FBXL20: variants seen among roughly 807,000 people sequenced by gnomAD.
FBXL20 encodes the protein F-box/LRR-repeat protein 20.
Under a neutral mutation model 64.0 loss-of-function variants are expected in FBXL20, and 11 were observed. The ratio of observed to expected loss-of-function variants is 0.17; its 90% CI spans 0.11 to 0.28. The LOEUF is 0.28. Among genes scored for constraint, FBXL20 ranks in the 10% least tolerant of loss-of-function variants. FBXL20 has a pLI of 1.00. For missense variants in FBXL20, 303 were observed against 526.2 expected (o/e 0.58, Z 4.15); for synonymous variants, 184 against 189.0 (o/e 0.97, Z 0.22).
chr17:39,298,971 T>C lies in FBXL20; in HGVS notation c.329+19A>G. The C allele has an allele frequency of 2.5e-6, 4 of 1,589,994 alleles. No homozygotes were observed. The highest frequency in any genetic ancestry group is 3.4e-6 in the Non-Finnish European group (4 of 1,159,596). On this transcript the variant is annotated intron_variant, in intron 5 of 14. Transcript: ENST00000264658. ...TCTTCACTTCCATCAAGAAGATTAA[T>C]CAATAGTTATGTTTTTACCTTAATG...
At chr17:39,359,832 T>C (rs2047777294) in intron 1 of FBXL20, among the ~76,000 whole-genome samples, 1 of 152,112 alleles carries the variant, frequency 6.6e-6, no homozygotes, top group African/African-American at 2.4e-5. Flanking sequence ...CTGAAATAAC[T>C]GAAAGCAGGT....
chr17:39,277,412 A>G (rs924278850), intron 9 of FBXL20, among the ~76,000 whole-genome samples: 3 of 152,196 alleles, frequency 2.0e-5, no homozygotes, highest in Admixed American at 6.6e-5. Flanking sequence ...TTTGTATGTT[A>G]TAAGAGAGTA....
upstream of FBXL20, chr17:39,401,706 G>A: frequency 9.0e-7 from 1 of 1,115,882 alleles, no homozygotes; most frequent in Non-Finnish European, 1.1e-6. Context: ...AGCCGCCCGG[G>A]CCTCGGAGCG....
In FBXL20 at chr17:39,297,208, G is replaced by C. The variant is rs2047093839; in HGVS notation, c.330-13C>G. 3.8e-6 allele frequency: 6 copies of C among 1,592,900 alleles called. No homozygotes were observed. The highest frequency in any genetic ancestry group is 1.7e-4 in the Middle Eastern group (1 of 6,010). ...TTGTGCAAAGGTTCTTTGTAGGAAAGAAAGTAAGAGGTTTCAAATGAAATA... is the reference window on the plus strand; with the variant it reads ...TTGTGCAAAGGTTCTTTGTAGGAAACAAAGTAAGAGGTTTCAAATGAAATA... On this transcript the variant is annotated splice_polypyrimidine_tract_variant and intron_variant, in intron 5 of 14. Transcript: ENST00000264658.
At chr17:39,334,404 T>C (rs1046298744) in intron 2 of FBXL20, among the ~76,000 whole-genome samples, 4 of 151,670 alleles carry the variant, frequency 2.6e-5, no homozygotes, top group Non-Finnish European at 5.9e-5. Flanking sequence ...TGACCTTCCC[T>C]CCACTATTGT....
At chr17:39,287,543 A>G (rs987587841) in intron 6 of FBXL20, among the ~76,000 whole-genome samples, 5 of 152,140 alleles carry the variant, frequency 3.3e-5, no homozygotes, top group Non-Finnish European at 5.9e-5. Flanking sequence ...AGTAGCAAGG[A>G]CTACAGATAC....
At chr17:39,401,277 G>C (rs2048240187) in intron 1 of FBXL20, 84 bp downstream of exon 1, 11 of 1,604,678 alleles carry the variant, frequency 6.9e-6, no homozygotes, top group Non-Finnish European at 8.5e-6. Context: ...CTGCCAGGGA[G>C]GAGGCTCCGT....
At chr17:39,339,433 G>C (rs1357615639) in intron 2 of FBXL20, among the ~76,000 whole-genome samples, 1 of 152,088 alleles carries the variant, frequency 6.6e-6, no homozygotes, top group African/African-American at 2.4e-5. Context: ...CACCACTGCA[G>C]TCCAGCTTGA....
chr17:39,292,722 T>C (rs968985331), intron 6 of FBXL20, among the ~76,000 whole-genome samples: 5 of 151,984 alleles, frequency 3.3e-5, no homozygotes, highest in African/African-American at 1.2e-4. Flanking sequence ...TCCGGGTCTA[T>C]ATTTCTATTG....
chr17:39,323,923 G>A (rs185957446), intron 2 of FBXL20, among the ~76,000 whole-genome samples: 3,876 of 146,306 alleles, frequency 0.026, 233 homozygotes, highest in African/African-American at 0.1. Context: ...CTGCCACCAC[G>A]CCTGGCTATT....
At chr17:39,328,947 A>C (rs1198258128) in intron 2 of FBXL20, among the ~76,000 whole-genome samples, 1 of 152,108 alleles carries the variant, frequency 6.6e-6, no homozygotes, top group Non-Finnish European at 1.5e-5. Context: ...CCAGCTACTC[A>C]GGAGACAGAG....
At chr17:39,293,882 T>C (rs2047062204) in intron 6 of FBXL20, among the ~76,000 whole-genome samples, 2 of 151,902 alleles carry the variant, frequency 1.3e-5, no homozygotes, top group Non-Finnish European at 2.9e-5. Flanking sequence ...TCAGCTACTT[T>C]AGCCTCCTTG....
chr17:39,350,057 C>T (rs2047672984), intron 1 of FBXL20, among the ~76,000 whole-genome samples: 1 of 151,894 alleles, frequency 6.6e-6, no homozygotes, highest in African/African-American at 2.4e-5. Flanking sequence ...AAAAGTAAAA[C>T]TTAATCATTT....
intron 2 of FBXL20, among the ~76,000 whole-genome samples, chr17:39,332,611 G>A (rs1467496911): frequency 2.7e-5 from 4 of 145,924 alleles, no homozygotes; most frequent in Admixed American, 7.2e-5. Flanking sequence ...ACGTGATCTC[G>A]GCTCACTGCA....
chr17:39,327,493 T>C (rs2047419707), intron 2 of FBXL20, among the ~76,000 whole-genome samples: 1 of 152,112 alleles, frequency 6.6e-6, no homozygotes, highest in Non-Finnish European at 1.5e-5. Flanking sequence ...ATTGGAGGTG[T>C]CAATATGAAC....
chr17:39,314,074 T>C (rs1334920945), intron 2 of FBXL20, among the ~76,000 whole-genome samples: 1 of 152,186 alleles, frequency 6.6e-6, no homozygotes, highest in East Asian at 1.9e-4. Flanking sequence ...CTGTACCCAT[T>C]AGCAGTCACT....
intron 6 of FBXL20, among the ~76,000 whole-genome samples, chr17:39,286,417 G>GT (rs2046988481): frequency 6.6e-6 from 1 of 152,084 alleles, no homozygotes; most frequent in Admixed American, 6.6e-5. Flanking sequence ...GTTTTGCCAT[G>GT]TTAGCCAGGC....
chr17:39,315,829 C>CAGAGAGACAG (rs2047284138), intron 2 of FBXL20, among the ~76,000 whole-genome samples: 1 of 129,686 alleles, frequency 7.7e-6, no homozygotes, highest in Non-Finnish European at 1.6e-5. Flanking sequence ...GAGAGAGAGA[C>CAGAGAGACAG]AGAGAGAGAG....
At chr17:39,381,423 T>C (rs1177047328) in intron 1 of FBXL20, among the ~76,000 whole-genome samples, 1 of 138,476 alleles carries the variant, frequency 7.2e-6, no homozygotes, top group Non-Finnish European at 1.5e-5. Flanking sequence ...GAGGTTGCAG[T>C]GAGACAAGAT....
Sources: gnomAD v4.1 joint callset for allele counts (sites outside exome capture counted in the v4.1 genomes callset) on GRCh38, gnomAD v4.1.1 for gene constraint, MANE v1.5 for transcripts, NCBI Gene and HGNC (gene_info 2026-07-23, HGNC 2026-07-21) for gene names.